The following SLC6A12 variants were observed in gnomAD, a reference collection of about 807,000 sequenced individuals.
SLC6A12 encodes the protein solute carrier family 6 member 12, also known as sodium- and chloride-dependent betaine transporter.
In SLC6A12, 50 loss-of-function variants were observed where a neutral mutation model predicts 73.3. The observed-to-expected ratio is 0.68, with a 90% CI of 0.54 to 0.86. SLC6A12 has a LOEUF of 0.86. SLC6A12 is among the 40% of genes least tolerant of loss of function. SLC6A12 has a pLI of 0.00. For missense variants in SLC6A12, 648 were observed against 772.8 expected, an observed-to-expected ratio of 0.84 and a Z score of 1.92; for synonymous variants, 304 against 309.2, an observed-to-expected ratio of 0.98 and a Z score of 0.18.
In SLC6A12 at chr12:198,976, A is replaced by C. The variant is rs1940069594; in HGVS notation, c.712-45T>G. 3 of 1,607,368 alleles carry C rather than the reference A, an allele frequency of 1.9e-6. No homozygotes were observed. The highest frequency in any genetic ancestry group is 2.2e-5 in the South Asian group (2 of 90,808). On this transcript the variant is annotated intron_variant, in intron 7 of 15. Coordinates refer to ENST00000684302, the MANE Select transcript of SLC6A12 (RefSeq NM_001122848.3). This position sits in a 1 kb window ranked among gnomAD's most constrained non-coding sequence, Gnocchi z 4.0. ...CCAAGGTCACTCCTGGTGGGGACGC[A>C]GTGGCCCTCCAGCCACGCCCCACAG...
At chr12:196,682 G>T in intron 11 of SLC6A12, 88 bp downstream of exon 11, 1 of 914,602 alleles carries the variant, frequency 1.1e-6, no homozygotes, top group Non-Finnish European at 1.8e-6. Context: ...GGTCAGGGGA[G>T]TGGGAGTGAG....
rs74057620 is a variant in SLC6A12, at chr12:210,507, A to T, written c.-57-464T>A. ...GTGACTGCATGGTTCTCTCCTAGCC[A>T]GCTGTGTGCTAAGGTGATCGATCAG... On this transcript the variant is annotated intron_variant, in intron 2 of 15. Coordinates refer to ENST00000684302, the MANE Select transcript of SLC6A12 (RefSeq NM_001122848.3). 1.8e-3 allele frequency: 957 copies of T among 541,692 alleles called. 5 individuals carry two copies. The African/African-American group carries it at 0.018, about 10-fold the overall frequency. The allele number at this position is 541,692 out of a possible 1,614,324, so 33.6% of individuals were successfully genotyped here.
At chr12:202,907 G>T in intron 4 of SLC6A12, 27 bp from the exon 5 acceptor site, 1 of 1,607,036 alleles carries the variant, frequency 6.2e-7, no homozygotes, top group South Asian at 1.1e-5. Flanking sequence ...GAGATGGGGA[G>T]GGACAAGAGA....
chr12:191,302 C>T lies in SLC6A12; in HGVS notation c.1702-91G>A, dbSNP rs1052709336. The T allele has an allele frequency of 3.4e-5, 39 of 1,139,446 alleles. No homozygotes were observed. The East Asian group carries it at 5.1e-4, about 15-fold the overall frequency. The allele number at this position is 1,139,446 out of a possible 1,614,324, so 70.6% of individuals were successfully genotyped here. ...TGCAACCCCAGGGCCCAGCCCAGAG[C>T]GGAGCACATGGCCAGCACCGCACAG... On this transcript the variant is annotated intron_variant, in intron 15 of 15. Coordinates refer to ENST00000684302, the MANE Select transcript of SLC6A12 (RefSeq NM_001122848.3).
In SLC6A12 at chr12:198,629, AG is replaced by A; in HGVS notation, c.846+167del. The A allele has an allele frequency of 1.6e-6, 1 of 641,986 alleles. No individual in the cohort carries two copies. The highest frequency in any genetic ancestry group is 2.6e-6 in the Non-Finnish European group (1 of 389,378). 39.8% of individuals were successfully genotyped at this position (641,986 alleles called of 1,614,324 possible). Reference sequence around the variant, plus strand: ...TATATTTGAGTGGTGGAATTACAAGAGATTTTTTTAGTTTCTTTTTTATAGC... The same window carrying A: ...TATATTTGAGTGGTGGAATTACAAGAATTTTTTTAGTTTCTTTTTTATAGC... On this transcript the variant is annotated intron_variant, in intron 8 of 15. Coordinates refer to ENST00000684302, the MANE Select transcript of SLC6A12 (RefSeq NM_001122848.3). This position sits in a 1 kb window ranked among gnomAD's most constrained non-coding sequence, Gnocchi z 4.0.
At chr12:209,631 T>C in intron 3 of SLC6A12, 142 bp downstream of exon 3, 1 of 798,426 alleles carries the variant, frequency 1.3e-6, no homozygotes, top group Non-Finnish European at 2.1e-6. Context: ...GTAGTGGAGC[T>C]GGAACTCAAA....
chr12:188,892 G>A (rs1051989519), downstream of SLC6A12, among the ~76,000 whole-genome samples: 1 of 148,856 alleles, frequency 6.7e-6, no homozygotes, highest in Non-Finnish European at 1.5e-5. Context: ...CCCCCATCCA[G>A]ATCCCTTTGG....
At chr12:186,723 G>A (rs557361690), downstream of SLC6A12, among the ~76,000 whole-genome samples, 288 of 152,362 alleles carry the variant, frequency 1.9e-3, 2 homozygotes, top group Non-Finnish European at 2.3e-3. Flanking sequence ...CGTGGGCGCT[G>A]CTGATGTTAA....
downstream of SLC6A12, among the ~76,000 whole-genome samples, chr12:187,041 G>A (rs959031790): frequency 3.8e-4 from 58 of 152,194 alleles, no homozygotes; most frequent in African/African-American, 1.2e-3. Context: ...ACGCAAAAGC[G>A]AATATGTGAG....
downstream of SLC6A12, among the ~76,000 whole-genome samples, chr12:186,972 G>A (rs1356944287): frequency 1.3e-5 from 2 of 152,136 alleles, no homozygotes; most frequent in African/African-American, 2.4e-5. Flanking sequence ...AAGGGCTCCT[G>A]TTCCCTCCCC....
At position 198,523 on chromosome 12, in the gene SLC6A12, C is replaced by T. The variant is rs1172639491; in HGVS notation, c.846+274G>A. On this transcript the variant is annotated intron_variant, in intron 8 of 15. Transcript: ENST00000684302. The surrounding 1 kb of genome is among the most constrained non-coding windows in gnomAD (Gnocchi z 4.0). ...AGGCTGCAGTGAGCTATGATGGCAC[C>T]ACTGCACTCCAGCCTGGGGGACAGA... is the stretch of plus-strand genomic sequence containing the variant. The T allele has an allele frequency of 3.0e-6, 1 of 331,018 alleles. No homozygotes were observed. The highest frequency in any genetic ancestry group is 5.5e-6 in the Non-Finnish European group (1 of 180,830). The allele number at this position is 331,018 out of a possible 1,614,324, so 20.5% of individuals were successfully genotyped here.
rs965434828 is a variant in SLC6A12 at position 192,383 on chromosome 12, G to A, written c.1701+95C>T. ...AAGGGCTGCCCCACACTCAGAGTTT[G>A]TGTCTGCTCCCTGGCCCCAGTTGTG... On this transcript the variant is annotated intron_variant, in intron 15 of 15. Coordinates refer to ENST00000684302, the MANE Select transcript of SLC6A12 (RefSeq NM_001122848.3). The A allele has an allele frequency of 3.4e-5, 37 of 1,095,938 alleles. No individual in the cohort carries two copies. In the African/African-American group the frequency reaches 4.2e-4, roughly 12 times the overall value. The allele number at this position is 1,095,938 out of a possible 1,614,324, so 67.9% of individuals were successfully genotyped here.
At position 190,804 on chromosome 12, in the gene SLC6A12, C is replaced by T. The variant is rs1002538306; in HGVS notation, c.*264G>A. 7 of 310,772 alleles carry T rather than the reference C, an allele frequency of 2.3e-5. No homozygotes were observed. Among genetic ancestry groups the T allele is most frequent in the Non-Finnish European group, 3.5e-5 (6 of 170,730 alleles). 19.3% of individuals were successfully genotyped at this position (310,772 alleles called of 1,614,324 possible). A position where few individuals can be genotyped will look rare whatever the true frequency, so the allele number is the denominator to read the frequency against. On this transcript the variant is annotated 3_prime_UTR_variant, in exon 16 of 16. Transcript: ENST00000684302. ...GATGGCGGCCTCCAAAAAGACCCCCCTTTATAAAAACGATGGTGCCTTCCC... is the reference window on the plus strand; with the variant it reads ...GATGGCGGCCTCCAAAAAGACCCCCTTTTATAAAAACGATGGTGCCTTCCC...
chr12:197,152 TC>T (rs1565469063), intron 10 of SLC6A12, among the ~76,000 whole-genome samples: 1 of 137,928 alleles, frequency 7.3e-6, no homozygotes. Context: ...CATCCATCCA[TC>T]CATCCATCCA....
Position 196,179 on chromosome 12 carries a change from A to C in SLC6A12, c.1271T>G (p.Leu424Arg). 6.3e-7 allele frequency: 1 copy of C among 1,580,238 alleles called. No individual in the cohort carries two copies. The highest frequency in any genetic ancestry group is 8.6e-7 in the Non-Finnish European group (1 of 1,163,800). The change falls in exon 12 of 16, where the codon CTC (leucine) becomes CGC (arginine). Residue 424 changes from leucine to arginine, a missense_variant. By Grantham distance (102) the Leu-to-Arg change is moderately radical. Transcript: ENST00000684302. ...GCACATGACGGCGATGGTGAGGATG[A>C]GGAGCTCGCGCCGCCCGCTCTTCCG... ...QLRKSGRREL[L>R]ILTIAVMCYL... is the part of the protein sequence containing the mutation.
intron 3 of SLC6A12, among the ~76,000 whole-genome samples, chr12:207,615 T>G (rs1940714327): frequency 1.3e-5 from 2 of 152,248 alleles, no homozygotes; most frequent in African/African-American, 4.8e-5. Context: ...TATGGTCAGC[T>G]TGATATAAAC....
At chr12:192,110 G>C (rs761348861) in intron 15 of SLC6A12, among the ~76,000 whole-genome samples, 3 of 152,124 alleles carry the variant, frequency 2.0e-5, no homozygotes, top group Non-Finnish European at 2.9e-5. Context: ...GTGCTTGCTG[G>C]TTATCAGTTT....
intron 3 of SLC6A12, chr12:205,100 C>T (rs1466415997): frequency 5.5e-6 from 1 of 182,258 alleles, no homozygotes; most frequent in East Asian, 1.4e-4. Flanking sequence ...AACACAAACA[C>T]CTCAGAAGCA....
Position 198,614 on chromosome 12 carries a change from T to G in SLC6A12, c.846+183A>C. The G allele has an allele frequency of 1.8e-6, 1 of 569,486 alleles. No homozygotes were observed. The highest frequency in any genetic ancestry group is 3.0e-6 in the Non-Finnish European group (1 of 337,890). The allele number at this position is 569,486 out of a possible 1,614,324, so 35.3% of individuals were successfully genotyped here. On this transcript the variant is annotated intron_variant, in intron 8 of 15. Transcript: ENST00000684302. This position sits in a 1 kb window ranked among gnomAD's most constrained non-coding sequence, Gnocchi z 4.0. ...TTTAAGAAAAAAAGTTATATTTGAG[T>G]GGTGGAATTACAAGAGATTTTTTTA...
Sources: allele counts gnomAD v4.1 joint callset (sites outside exome capture counted in the v4.1 genomes callset), GRCh38; gene constraint gnomAD v4.1.1; non-coding constraint Gnocchi (gnomAD v3.1); transcripts MANE v1.5; gene names NCBI Gene and HGNC (gene_info 2026-07-23, HGNC 2026-07-21).